Variants in SCARB2 observed in about 807,000 individuals in gnomAD.
SCARB2 encodes lysosome membrane protein 2.
Under a neutral mutation model 58.6 loss-of-function variants are expected in SCARB2, and 29 were observed. The observed-to-expected ratio is 0.49, with a 90% CI of 0.37 to 0.67. SCARB2 has a LOEUF of 0.67. Ranked by LOEUF, SCARB2 falls within the 30% of genes least tolerant of loss-of-function variation. The pLI is 0.00. For missense variants in SCARB2, 488 were observed against 578.5 expected, an observed-to-expected ratio of 0.84 and a Z score of 1.60; for synonymous variants, 195 against 210.1, an observed-to-expected ratio of 0.93 and a Z score of 0.62.
intron 10 of SCARB2, chr4:76,165,978 T>C (rs991456421): frequency 3.6e-5 from 20 of 551,658 alleles, no homozygotes; most frequent in African/African-American, 3.6e-4. Context: ...CTTTTACCTG[T>C]TTCTGTTTCC....
intron 4 of SCARB2, among the ~76,000 whole-genome samples, chr4:76,177,788 T>C (rs957560918): frequency 3.3e-5 from 5 of 152,218 alleles, no homozygotes; most frequent in African/African-American, 1.2e-4. Context: ...GGGCATATAT[T>C]ATATGACTCC....
At chr4:76,218,235 C>CACA (rs1333346327), upstream of SCARB2, among the ~76,000 whole-genome samples, 2 of 152,226 alleles carry the variant, frequency 1.3e-5, no homozygotes, top group African/African-American at 4.8e-5. Flanking sequence ...AATGTACCAT[C>CACA]ACACCCTAGT....
intron 3 of SCARB2, chr4:76,180,492 ACAGTAGGCTGC>A (rs1732359902): frequency 6.5e-6 from 1 of 154,720 alleles, no homozygotes; most frequent in Admixed American, 6.4e-5. Context: ...CACTGAAATC[ACAGTAGGCTGC>A]CAGTCTATTG....
chr4:76,205,689 G>A (rs1484076622), intron 1 of SCARB2, among the ~76,000 whole-genome samples: 1 of 152,124 alleles, frequency 6.6e-6, no homozygotes, highest in Non-Finnish European at 1.5e-5. Flanking sequence ...AGATGGCTAG[G>A]GCAAATGAGT....
At chr4:76,172,980 G>GATCT (rs1369245288) in intron 7 of SCARB2, 1 of 152,256 alleles carries the variant, frequency 6.6e-6, no homozygotes, top group South Asian at 2.1e-4. Context: ...TTCCGCCAGG[G>GATCT]ATCTGCTCAG....
rs2109943722 is a variant in SCARB2 at position 76,175,913 on chromosome 4, A to G, written c.705-3T>C. ...CTGTTATCCACCAGTCAAGTGACCT[A>G]TAATTGATAAGCACAAGAAAGAGTA... is the stretch of plus-strand genomic sequence containing the variant. On this transcript the variant is annotated splice_region_variant and splice_polypyrimidine_tract_variant and intron_variant, in intron 5 of 11. Coordinates refer to ENST00000264896, the MANE Select transcript of SCARB2 (RefSeq NM_005506.4). 6.2e-7 allele frequency: 1 copy of G among 1,613,570 alleles called. No individual in the cohort carries two copies. The highest frequency in any genetic ancestry group is 1.1e-5 in the South Asian group (1 of 91,072).
At chr4:76,186,417 A>G (rs1560712650) in intron 2 of SCARB2, among the ~76,000 whole-genome samples, 1 of 152,102 alleles carries the variant, frequency 6.6e-6, no homozygotes, top group Non-Finnish European at 1.5e-5. Context: ...ACGTGAAAGG[A>G]GTACTGAAGT....
chr4:76,216,442 G>A (rs1733209459), upstream of SCARB2, among the ~76,000 whole-genome samples: 1 of 152,114 alleles, frequency 6.6e-6, no homozygotes, highest in African/African-American at 2.4e-5. Context: ...GCTCCATTCT[G>A]GAGGGCAAAC....
At chr4:76,183,088 T>C (rs1476880062) in intron 2 of SCARB2, among the ~76,000 whole-genome samples, 2 of 152,230 alleles carry the variant, frequency 1.3e-5, no homozygotes, top group Non-Finnish European at 2.9e-5. Context: ...TTCATATAGA[T>C]GCATACAAAT....
At chr4:76,169,372 AC>A (rs1176491967) in intron 8 of SCARB2, among the ~76,000 whole-genome samples, 1 of 150,356 alleles carries the variant, frequency 6.7e-6, no homozygotes. Flanking sequence ...TATATCTGAT[AC>A]CTTTACAATT....
chr4:76,165,775 T>TTC (rs924862067), intron 10 of SCARB2: 2 of 153,166 alleles, frequency 1.3e-5, no homozygotes, highest in Admixed American at 6.5e-5. Flanking sequence ...TTTTTTTTTT[T>TTC]CCCTCAAACT....
chr4:76,180,738 C>G, intron 3 of SCARB2: 1 of 322,610 alleles, frequency 3.1e-6, no homozygotes, highest in Non-Finnish European at 5.5e-6. Context: ...ATCCTAAAAT[C>G]TGAATTTTGT....
intron 1 of SCARB2, among the ~76,000 whole-genome samples, chr4:76,196,300 C>T (rs930404085): frequency 2.0e-5 from 3 of 152,234 alleles, no homozygotes. Flanking sequence ...TTGCAGTGAG[C>T]CAAGATCGTG....
intron 1 of SCARB2, among the ~76,000 whole-genome samples, chr4:76,202,803 G>A (rs1314727354): frequency 6.6e-6 from 1 of 151,816 alleles, no homozygotes; most frequent in Non-Finnish European, 1.5e-5. Flanking sequence ...TTTTATAAAC[G>A]ATTATCCTTG....
At chr4:76,184,682 T>G (rs1732450105) in intron 2 of SCARB2, 1 of 241,546 alleles carries the variant, frequency 4.1e-6, no homozygotes, top group African/African-American at 2.4e-5. Flanking sequence ...CTTGGGAGGC[T>G]AAGGTGGGAG....
upstream of SCARB2, among the ~76,000 whole-genome samples, chr4:76,216,169 T>C (rs1398722179): frequency 6.6e-6 from 1 of 152,214 alleles, no homozygotes; most frequent in East Asian, 1.9e-4. Context: ...TCTTCTCTGC[T>C]GTTAAGTTTC....
chr4:76,195,323 C>T (rs1334458153), intron 2 of SCARB2: 1 of 191,582 alleles, frequency 5.2e-6, no homozygotes, highest in African/African-American at 2.4e-5. Flanking sequence ...TATGACTGCT[C>T]TACTGCACTC....
chr4:76,166,614 T>C (rs1480180659), intron 9 of SCARB2: 3 of 454,362 alleles, frequency 6.6e-6, no homozygotes, highest in East Asian at 4.4e-5. Flanking sequence ...CCTCAGAGTG[T>C]TTTGTAACTA....
chr4:76,172,491 G>A lies in SCARB2; in HGVS notation c.994+1653C>T, dbSNP rs1026588911. Among the ~76,000 whole-genome samples, 3 of 152,092 alleles carry A rather than the reference G, an allele frequency of 2.0e-5. No homozygotes were observed. The South Asian group carries it at 6.2e-4, about 32-fold the overall frequency. On this transcript the variant is annotated intron_variant, in intron 7 of 11. Transcript: ENST00000264896. ...CAGGTCTAAATTCTTGGCCTCAAGTGAGCCTCCTGCTTCAGCCTCCTAAAG... is the reference window on the plus strand; with the variant it reads ...CAGGTCTAAATTCTTGGCCTCAAGTAAGCCTCCTGCTTCAGCCTCCTAAAG...
Sources: allele counts gnomAD v4.1 joint callset (sites outside exome capture counted in the v4.1 genomes callset), GRCh38; gene constraint gnomAD v4.1.1; transcripts MANE v1.5; gene names NCBI Gene and HGNC (gene_info 2026-07-23, HGNC 2026-07-21).